The following CRTAC1 variants were observed in gnomAD, a reference collection of about 807,000 sequenced individuals.
The protein encoded by CRTAC1 is acidic secreted protein in cartilage.
A neutral mutation model predicts 67.8 loss-of-function variants in CRTAC1; 37 were observed. That is an observed-to-expected ratio of 0.55 (90% confidence interval 0.42 to 0.72). CRTAC1 has a LOEUF of 0.72. Among genes scored for constraint, CRTAC1 ranks in the 30% least tolerant of loss-of-function variants. CRTAC1 has a pLI of 0.00. For missense variants in CRTAC1, 780 were observed against 931.6 expected (o/e 0.84, Z 2.12); for synonymous variants, 348 against 371.0 (o/e 0.94, Z 0.71).
chr10:97,881,210 A>G (rs571964758), intron 13 of CRTAC1, among the ~76,000 whole-genome samples: 1 of 152,102 alleles, frequency 6.6e-6, no homozygotes, highest in African/African-American at 2.4e-5. Context: ...CAGACTCCCT[A>G]CAGGGGCCTC....
intron 2 of CRTAC1, among the ~76,000 whole-genome samples, chr10:97,998,748 A>G (rs1842632631): frequency 6.6e-6 from 1 of 152,224 alleles, no homozygotes; most frequent in African/African-American, 2.4e-5. Context: ...TACAGTAACA[A>G]CAAAACTATT....
At chr10:97,955,050 G>C (rs2051419514) in intron 2 of CRTAC1, among the ~76,000 whole-genome samples, 1 of 152,050 alleles carries the variant, frequency 6.6e-6, no homozygotes. Flanking sequence ...TAACAGTTAG[G>C]ATAATAATAA....
At chr10:97,932,842 G>A (rs1326071348) in intron 3 of CRTAC1, among the ~76,000 whole-genome samples, 1 of 151,650 alleles carries the variant, frequency 6.6e-6, no homozygotes, top group Non-Finnish European at 1.5e-5. Flanking sequence ...GGGAGTTGAG[G>A]CTGAGAGAGG....
At chr10:98,021,175 C>A (rs927020084) in intron 1 of CRTAC1, among the ~76,000 whole-genome samples, 2 of 152,178 alleles carry the variant, frequency 1.3e-5, no homozygotes, top group Non-Finnish European at 2.9e-5. Flanking sequence ...CCCTGTCCCC[C>A]ACCCTTGTCC....
intron 11 of CRTAC1, among the ~76,000 whole-genome samples, chr10:97,891,460 A>G (rs1210116629): frequency 2.0e-5 from 3 of 152,202 alleles, no homozygotes; most frequent in Admixed American, 6.5e-5. Context: ...TCCTCTGGGA[A>G]GCTGCCCAGA....
At chr10:97,948,399 T>C (rs1479767558) in intron 2 of CRTAC1, among the ~76,000 whole-genome samples, 1 of 151,130 alleles carries the variant, frequency 6.6e-6, no homozygotes, top group Admixed American at 6.6e-5. Flanking sequence ...TGCATGGGAG[T>C]GGATGGGGCC....
intron 2 of CRTAC1, among the ~76,000 whole-genome samples, chr10:97,991,715 G>C (rs1285252929): frequency 6.6e-6 from 1 of 152,300 alleles, no homozygotes; most frequent in African/African-American, 2.4e-5. Context: ...AGTTACCAGT[G>C]TTCTCTGAAA....
intron 2 of CRTAC1, among the ~76,000 whole-genome samples, chr10:97,982,622 C>G (rs1035197676): frequency 3.9e-5 from 6 of 152,178 alleles, no homozygotes; most frequent in Non-Finnish European, 7.3e-5. Flanking sequence ...CAATCTCTAG[C>G]GGTCCCCAGT....
intron 2 of CRTAC1, among the ~76,000 whole-genome samples, chr10:97,991,637 T>A (rs143471981): frequency 2.4e-4 from 37 of 152,196 alleles, no homozygotes; most frequent in Admixed American, 5.2e-4. Context: ...GCTAAGCAAT[T>A]TACATGGCTT....
chr10:97,993,199 T>C (rs1842492963), intron 2 of CRTAC1, among the ~76,000 whole-genome samples: 1 of 152,164 alleles, frequency 6.6e-6, no homozygotes, highest in East Asian at 1.9e-4. Flanking sequence ...CCCTTGGGAC[T>C]ACTCAGCCAA....
chr10:97,940,167 A>C (rs1363617034), intron 2 of CRTAC1, among the ~76,000 whole-genome samples: 1 of 152,220 alleles, frequency 6.6e-6, no homozygotes, highest in Non-Finnish European at 1.5e-5. Flanking sequence ...CCATTGTCTC[A>C]TTCCGTCCTC....
At chr10:97,934,346 G>T (rs1350550417) in intron 3 of CRTAC1, among the ~76,000 whole-genome samples, 1 of 152,172 alleles carries the variant, frequency 6.6e-6, no homozygotes, top group African/African-American at 2.4e-5. Flanking sequence ...TTTGTGTAGG[G>T]ATAATTACTA....
At chr10:97,874,867 G>T (rs1212291907) in intron 14 of CRTAC1, among the ~76,000 whole-genome samples, 2 of 152,118 alleles carry the variant, frequency 1.3e-5, no homozygotes, top group African/African-American at 4.8e-5. Context: ...TTCCCGGATG[G>T]CCTTGATGTT....
At chr10:97,988,281 A>C (rs1037703323) in intron 2 of CRTAC1, among the ~76,000 whole-genome samples, 1 of 152,200 alleles carries the variant, frequency 6.6e-6, no homozygotes, top group African/African-American at 2.4e-5. Context: ...GGTGGGTAGC[A>C]AACAGTTTCT....
intron 3 of CRTAC1, among the ~76,000 whole-genome samples, chr10:97,925,673 GA>G (rs140224455): frequency 0.077 from 9,498 of 122,920 alleles, 656 homozygotes; most frequent in South Asian, 0.15. Flanking sequence ...CAGAGTGTGA[GA>G]GGGGGGTGGG....
chr10:97,868,469 A>G (rs11599660), intron 14 of CRTAC1: 2,051 of 152,372 alleles, frequency 0.013, 20 homozygotes, highest in Non-Finnish European at 0.021. Flanking sequence ...CTGTTCCCAG[A>G]GAGGGGCTCA....
At chr10:98,022,936 T>C (rs1283795048) in intron 1 of CRTAC1, among the ~76,000 whole-genome samples, 1 of 152,112 alleles carries the variant, frequency 6.6e-6, no homozygotes, top group African/African-American at 2.4e-5. Flanking sequence ...CCAGGCCTAA[T>C]AGTTTACGTG....
At chr10:97,946,148 G>T (rs775629888) in intron 2 of CRTAC1, among the ~76,000 whole-genome samples, 8 of 152,210 alleles carry the variant, frequency 5.3e-5, no homozygotes, top group Non-Finnish European at 1.2e-4. Context: ...AGGGAGTCAG[G>T]AATTCCCATA....
At chr10:97,911,524 C>T (rs929012105) in intron 5 of CRTAC1, among the ~76,000 whole-genome samples, 4 of 152,130 alleles carry the variant, frequency 2.6e-5, no homozygotes, top group East Asian at 1.9e-4. Context: ...GCAGGTGAGT[C>T]GACAGTCAGG....
Sources: allele counts gnomAD v4.1 joint callset (sites outside exome capture counted in the v4.1 genomes callset), GRCh38; gene constraint gnomAD v4.1.1; transcripts MANE v1.5; gene names NCBI Gene and HGNC (gene_info 2026-07-23, HGNC 2026-07-21).